Variants in GM2A observed in about 807,000 individuals in gnomAD.
The protein encoded by GM2A is GM2 ganglioside activator.
Under a neutral mutation model 12.9 loss-of-function variants are expected in GM2A, and 7 were observed. That is an observed-to-expected ratio of 0.54 (90% CI 0.31 to 1.02). The LOEUF (loss-of-function observed/expected upper bound fraction) is 1.02. GM2A is among the 50% of genes least tolerant of loss of function. The probability of loss-of-function intolerance (pLI) is 0.05; values close to 1 mark genes in which losing one functional copy is unlikely to be tolerated. For synonymous variants in GM2A, 101 were observed against 96.0 expected, an observed-to-expected ratio of 1.05 and a Z score of -0.30; for missense variants, 246 against 241.0, an observed-to-expected ratio of 1.02 and a Z score of -0.14.
intron 1 of GM2A, among the ~76,000 whole-genome samples, chr5:151,258,441 T>G (rs1753732289): frequency 6.6e-6 from 1 of 152,236 alleles, no homozygotes; most frequent in African/African-American, 2.4e-5. Flanking sequence ...GAGCTATGAT[T>G]TCCACCCAGG....
At chr5:151,253,521 C>T (rs1753630299) in intron 1 of GM2A, among the ~76,000 whole-genome samples, 1 of 152,224 alleles carries the variant, frequency 6.6e-6, no homozygotes, top group Admixed American at 6.5e-5. Flanking sequence ...AATCTCACGT[C>T]TGCACTCTCC....
chr5:151,260,481 G>C (rs1753775298), intron 2 of GM2A, among the ~76,000 whole-genome samples: 1 of 152,118 alleles, frequency 6.6e-6, no homozygotes, highest in Non-Finnish European at 1.5e-5. Context: ...AGCTGGGCGT[G>C]GTGGCATGTG....
intron 1 of GM2A, among the ~76,000 whole-genome samples, chr5:151,257,793 C>T (rs1753719346): frequency 6.6e-6 from 1 of 152,216 alleles, no homozygotes; most frequent in South Asian, 2.1e-4. Flanking sequence ...GCCTGAGTTC[C>T]CTCGGCCTGC....
Position 151,267,844 on chromosome 5 carries a change from C to T in GM2A, c.*393C>T, listed in dbSNP as rs907927303. 11 of 1,170,020 alleles carry T rather than the reference C, an allele frequency of 9.4e-6. No homozygotes were observed. Among genetic ancestry groups the T allele is most frequent in the East Asian group, 6.0e-5 (1 of 16,774 alleles). 72.5% of individuals were successfully genotyped at this position (1,170,020 alleles called of 1,614,324 possible). On this transcript the variant is annotated 3_prime_UTR_variant, in exon 4 of 4. Transcript: ENST00000357164. ...TTTTTTTTTGTCACTAAGTTAAAAG[C>T]GAAGTGAGAGTATTAACGTTTTTGT...
intron 1 of GM2A, among the ~76,000 whole-genome samples, chr5:151,253,799 C>T (rs564476549): frequency 9.2e-5 from 14 of 152,220 alleles, no homozygotes; most frequent in Admixed American, 2.6e-4. Flanking sequence ...ACCCCGCTGC[C>T]CTTGGTTATG....
chr5:151,260,043 A>G, intron 2 of GM2A, 127 bp downstream of exon 2: 1 of 646,138 alleles, frequency 1.5e-6, no homozygotes. Flanking sequence ...AGTACAGGAC[A>G]TGTAGATTCA....
intron 1 of GM2A, among the ~76,000 whole-genome samples, chr5:151,254,566 T>G (rs1753648862): frequency 1.3e-5 from 2 of 152,210 alleles, no homozygotes; most frequent in Non-Finnish European, 2.9e-5. Context: ...GTCAGTAATG[T>G]ATTATATACA....
Position 151,266,912 on chromosome 5 carries a change from A to C in GM2A, c.425A>C (p.Glu142Ala). The part of the protein sequence containing the change: ...YGLPCHCPFK[E>A]GTYSLPKSEF... ...CTTCCTTGCCACTGTCCCTTCAAAG[A>C]AGTAAGTACTTAGGGAGGAGAGAGC... Residue 142 changes from glutamate to alanine, a missense_variant and splice_region_variant, in exon 3 of 4, where the codon GAA becomes GCA. Glu to Ala is a moderately radical substitution (Grantham distance 107, BLOSUM62 -1). Coordinates refer to ENST00000357164, the MANE Select transcript of GM2A (RefSeq NM_000405.5). 6.2e-7 allele frequency: 1 copy of C among 1,611,994 alleles called. No homozygotes were observed. Among genetic ancestry groups the C allele is most frequent in the South Asian group, 1.1e-5 (1 of 91,034 alleles).
At chr5:151,260,001 A>C in intron 2 of GM2A, 85 bp downstream of exon 2, 1 of 1,010,688 alleles carries the variant, frequency 9.9e-7, no homozygotes, top group Non-Finnish European at 1.5e-6. Flanking sequence ...GGGAACTGTG[A>C]AGAATTTCAG....
rs1190419462 is a variant in GM2A, at chr5:151,267,685, G to A, written c.*234G>A. The A allele has an allele frequency of 1.4e-6, 2 of 1,463,558 alleles. No homozygotes were observed. The highest frequency in any genetic ancestry group is 1.8e-6 in the Non-Finnish European group (2 of 1,101,570). The allele number at this position is 1,463,558 out of a possible 1,614,324, so 90.7% of individuals were successfully genotyped here. A position where few individuals can be genotyped will look rare whatever the true frequency, so the allele number is the denominator to read the frequency against. ...TTCTTGATAGCCCAGGGCATCTGCT[G>A]GGCTGACCACGTTACTCATCCCCGT... On this transcript the variant is annotated 3_prime_UTR_variant, in exon 4 of 4. Coordinates refer to ENST00000357164, the MANE Select transcript of GM2A (RefSeq NM_000405.5).
At chr5:151,263,186 G>A (rs903685422) in intron 2 of GM2A, among the ~76,000 whole-genome samples, 9 of 146,572 alleles carry the variant, frequency 6.1e-5, no homozygotes, top group Admixed American at 1.4e-4. Flanking sequence ...TCTGCCTCCC[G>A]GTTTCAAGGG....
chr5:151,258,096 C>G (rs564081952), intron 1 of GM2A, among the ~76,000 whole-genome samples: 1 of 152,356 alleles, frequency 6.6e-6, no homozygotes, highest in African/African-American at 2.4e-5. Context: ...CATTTAGTGG[C>G]AACTATCCTG....
At chr5:151,263,096 T>TC (rs1480493465) in intron 2 of GM2A, among the ~76,000 whole-genome samples, 2 of 149,332 alleles carry the variant, frequency 1.3e-5, no homozygotes, top group Non-Finnish European at 3.0e-5. Flanking sequence ...TTTCTTTTTT[T>TC]TTTTTTTTTT....
At chr5:151,258,806 G>C (rs1753741162) in intron 1 of GM2A, among the ~76,000 whole-genome samples, 1 of 152,192 alleles carries the variant, frequency 6.6e-6, no homozygotes, top group Non-Finnish European at 1.5e-5. Context: ...CATCAGCTTG[G>C]GGGTGTGGGA....
rs961099039 is a variant in GM2A, at chr5:151,270,013, T to G, written c.*2562T>G. ...TTCCAGCCTTATTCTCAACAGTTCATTTTTAGTTCACATTCTTGACCGAAT... is the reference window on the plus strand; with the variant it reads ...TTCCAGCCTTATTCTCAACAGTTCAGTTTTAGTTCACATTCTTGACCGAAT... On this transcript the variant is annotated 3_prime_UTR_variant, in exon 4 of 4. Coordinates refer to ENST00000357164, the MANE Select transcript of GM2A (RefSeq NM_000405.5). 1 of 1,228,408 alleles carries G rather than the reference T, an allele frequency of 8.1e-7. No homozygotes were observed. The highest frequency in any genetic ancestry group is 1.0e-6 in the Non-Finnish European group (1 of 986,500). The allele number at this position is 1,228,408 out of a possible 1,614,324, so 76.1% of individuals were successfully genotyped here.
intron 1 of GM2A, among the ~76,000 whole-genome samples, chr5:151,253,783 C>A (rs1204070387): frequency 1.3e-5 from 2 of 152,148 alleles, no homozygotes; most frequent in Non-Finnish European, 2.9e-5. Flanking sequence ...AATACCCAGG[C>A]CTGTGACCCC....
At chr5:151,253,331 G>T in intron 1 of GM2A, 34 bp downstream of exon 1, 1 of 1,496,568 alleles carries the variant, frequency 6.7e-7, no homozygotes. Context: ...TCTGTTTGCA[G>T]CCTCCTGGCC....
At chr5:151,255,000 T>C (rs1266801931) in intron 1 of GM2A, among the ~76,000 whole-genome samples, 1 of 152,082 alleles carries the variant, frequency 6.6e-6, no homozygotes, top group East Asian at 1.9e-4. Context: ...CTATGGTTTG[T>C]CAATTTAAAA....
Position 151,268,081 on chromosome 5 carries a change from G to A in GM2A, c.*630G>A, listed in dbSNP as rs1050155178. On this transcript the variant is annotated 3_prime_UTR_variant, in exon 4 of 4. Transcript: ENST00000357164. Reference sequence around the variant, plus strand: ...CTGTTGTTTACAAACTCAGGTACCCGCAGGGCCTAGCAAGAGACTTAAATG... The same window carrying A: ...CTGTTGTTTACAAACTCAGGTACCCACAGGGCCTAGCAAGAGACTTAAATG... 5.0e-6 allele frequency: 5 copies of A among 994,974 alleles called. No individual in the cohort carries two copies. The African/African-American group carries it at 5.2e-5, about 10-fold the overall frequency. The allele number at this position is 994,974 out of a possible 1,614,324, so 61.6% of individuals were successfully genotyped here.
Sources: allele counts gnomAD v4.1 joint callset (sites outside exome capture counted in the v4.1 genomes callset), GRCh38; gene constraint gnomAD v4.1.1; transcripts MANE v1.5; gene names NCBI Gene and HGNC (gene_info 2026-07-23, HGNC 2026-07-21).